CDH4: variants seen among roughly 807,000 people sequenced by gnomAD.
CDH4 encodes the protein cadherin 4.
A neutral mutation model predicts 86.0 loss-of-function variants in CDH4; 33 were observed. The observed-to-expected ratio is 0.38, with a 90% CI of 0.29 to 0.51. The LOEUF is 0.51. Among genes scored for constraint, CDH4 ranks in the 20% least tolerant of loss-of-function variants. The pLI is 0.86. For synonymous variants in CDH4, 555 were observed against 549.4 expected, an observed-to-expected ratio of 1.01 and a Z score of -0.14; for missense variants, 1,114 against 1,307.4, an observed-to-expected ratio of 0.85 and a Z score of 2.28.
intron 4 of CDH4, among the ~76,000 whole-genome samples, chr20:61,777,863 C>G (rs1978333416): frequency 6.6e-6 from 1 of 152,068 alleles, no homozygotes; most frequent in Non-Finnish European, 1.5e-5. Flanking sequence ...TCCACATGCG[C>G]ACGCACGTGC....
At chr20:61,584,966 C>A (rs935856598) in intron 2 of CDH4, among the ~76,000 whole-genome samples, 1 of 152,184 alleles carries the variant, frequency 6.6e-6, no homozygotes, top group Non-Finnish European at 1.5e-5. Context: ...AAGCCATCGC[C>A]GATGTGAGGC....
At position 61,663,383 on chromosome 20, in the gene CDH4, T is replaced by C. The variant is rs569660504; in HGVS notation, c.170-80180T>C. Among the ~76,000 whole-genome samples, 13 of 152,322 alleles carry C rather than the reference T, an allele frequency of 8.5e-5. No homozygotes were observed. The South Asian group carries it at 2.7e-3, about 32-fold the overall frequency. ...CTGCGGACAAGCGTTGGGAGGCCTC[T>C]CTGAGGAGGCAGTGTTTGCGCTGAA... On this transcript the variant is annotated intron_variant, in intron 2 of 15. Transcript: ENST00000614565. The surrounding 1 kb of genome is among the most constrained non-coding windows in gnomAD (Gnocchi z 5.0).
chr20:61,862,355 C>T (rs1354817133), intron 6 of CDH4, among the ~76,000 whole-genome samples: 1 of 152,244 alleles, frequency 6.6e-6, no homozygotes, highest in Non-Finnish European at 1.5e-5. Context: ...ACACCTCAGA[C>T]GTGTCCCAGC....
intron 2 of CDH4, among the ~76,000 whole-genome samples, chr20:61,561,458 G>A (rs562517706): frequency 2.2e-4 from 33 of 152,382 alleles, no homozygotes; most frequent in African/African-American, 7.7e-4. Context: ...GCCCTGGGCC[G>A]TCCCTCTTCC....
intron 6 of CDH4, among the ~76,000 whole-genome samples, chr20:61,859,147 T>C (rs1983205408): frequency 6.6e-6 from 1 of 152,192 alleles, no homozygotes; most frequent in Admixed American, 6.5e-5. Flanking sequence ...GTGTTTTCCC[T>C]CTGGCAAATG....
At chr20:61,416,371 C>G (rs138118762) in intron 2 of CDH4, among the ~76,000 whole-genome samples, 1 of 152,184 alleles carries the variant, frequency 6.6e-6, no homozygotes, top group Non-Finnish European at 1.5e-5. Context: ...CCCTCATTCA[C>G]GAGTGAATGT....
At position 61,372,368 on chromosome 20, in the gene CDH4, G is replaced by A. The variant is rs185557607; in HGVS notation, c.169+117431G>A. On this transcript the variant is annotated intron_variant, in intron 2 of 15. Transcript: ENST00000614565. ...CATCAGAAGGAAACAGCGTGCTCAC[G>A]TGTCTACCCGCACACGCTTCGCCTC... Among the ~76,000 whole-genome samples the A allele has an allele frequency of 1.8e-3, 274 of 152,350 alleles. 1 individual carries two copies. Among genetic ancestry groups the A allele is most frequent in the Admixed American group, 3.9e-3 (59 of 15,310 alleles).
At chr20:61,572,982 A>G (rs1388387789) in intron 2 of CDH4, among the ~76,000 whole-genome samples, 1 of 151,290 alleles carries the variant, frequency 6.6e-6, no homozygotes, top group African/African-American at 2.4e-5. Context: ...GGATGGATGG[A>G]CGGATAGACG....
At chr20:61,744,478 G>A (rs112327941) in intron 3 of CDH4, among the ~76,000 whole-genome samples, 463 of 18,928 alleles carry the variant, frequency 0.024, 6 homozygotes, top group Non-Finnish European at 0.028. Flanking sequence ...GAGAGATGGA[G>A]AGAGGTGGAG....
chr20:61,772,624 A>G (rs916780525), intron 3 of CDH4, among the ~76,000 whole-genome samples: 1 of 152,200 alleles, frequency 6.6e-6, no homozygotes, highest in Admixed American at 6.5e-5. Context: ...TGTTTTCATA[A>G]ACAGGAGTTT....
chr20:61,593,965 G>A (rs879759964), intron 2 of CDH4, among the ~76,000 whole-genome samples: 7 of 147,126 alleles, frequency 4.8e-5, no homozygotes, highest in African/African-American at 1.5e-4. Flanking sequence ...CCTGGTGAAC[G>A]CATGGATGAA....
intron 2 of CDH4, among the ~76,000 whole-genome samples, chr20:61,659,210 G>T (rs2087225555): frequency 6.6e-6 from 1 of 152,304 alleles, no homozygotes; most frequent in Non-Finnish European, 1.5e-5. Flanking sequence ...CACTCGTGGG[G>T]GTTTGAAAGT....
rs892670252 is a variant in CDH4, at chr20:61,510,196, A to G, written c.170-233367A>G. On this transcript the variant is annotated intron_variant, in intron 2 of 15. Coordinates refer to ENST00000614565, the MANE Select transcript of CDH4 (RefSeq NM_001794.5). This position sits in a 1 kb window ranked among gnomAD's most constrained non-coding sequence, Gnocchi z 4.2. ...GAAATTTAGTGATTTGCAATATGCC[A>G]GCATCTATGCGCTCAGCACTCCCGC... 2.0e-5 allele frequency among the ~76,000 whole-genome samples: 3 copies of G among 152,232 alleles called. No homozygotes were observed. The highest frequency in any genetic ancestry group is 4.4e-5 in the Non-Finnish European group (3 of 68,038).
intron 2 of CDH4, among the ~76,000 whole-genome samples, chr20:61,256,316 G>A (rs1240043185): frequency 2.0e-5 from 3 of 152,158 alleles, no homozygotes; most frequent in Non-Finnish European, 4.4e-5. Context: ...TGATTATGTG[G>A]CCAAATATGA....
chr20:61,899,670 G>A (rs1267569745), intron 8 of CDH4, among the ~76,000 whole-genome samples: 2 of 152,192 alleles, frequency 1.3e-5, no homozygotes, highest in African/African-American at 2.4e-5. Context: ...CTCGTGATCC[G>A]CCCACCTCGG....
At chr20:61,839,743 A>C (rs62643399) in intron 4 of CDH4, among the ~76,000 whole-genome samples, 68,133 of 149,574 alleles carry the variant, frequency 0.46, 17,572 homozygotes, top group Non-Finnish European at 0.59. Flanking sequence ...TTGTGTGTAC[A>C]TGTATGTTTG....
chr20:61,899,553 G>T (rs6121835), intron 8 of CDH4, among the ~76,000 whole-genome samples: 2 of 151,766 alleles, frequency 1.3e-5, no homozygotes, highest in East Asian at 2.0e-4. Context: ...TCAGCCTCCC[G>T]AGTAGCTGGA....
chr20:61,313,134 G>T (rs568034123), intron 2 of CDH4, among the ~76,000 whole-genome samples: 4 of 152,346 alleles, frequency 2.6e-5, no homozygotes, highest in African/African-American at 9.6e-5. Context: ...TGCTATGCGG[G>T]CTCATCGAGG....
In CDH4 at chr20:61,807,168, G is replaced by A. The variant is rs540909124; in HGVS notation, c.576+33986G>A. ...GTGGGGCAGGTGCCGGGAGGGCCTC[G>A]GGAGGTGCCTGGTGGGTCCTGCCAG... On this transcript the variant is annotated intron_variant, in intron 4 of 15. Coordinates refer to ENST00000614565, the MANE Select transcript of CDH4 (RefSeq NM_001794.5). This position sits in a 1 kb window ranked among gnomAD's most constrained non-coding sequence, Gnocchi z 4.5. Among the ~76,000 whole-genome samples, 16 of 152,216 alleles carry A rather than the reference G, an allele frequency of 1.1e-4. No individual in the cohort carries two copies. Among genetic ancestry groups the A allele is most frequent in the Non-Finnish European group, 2.1e-4 (14 of 68,036 alleles).
Sources: gnomAD v4.1 joint callset for allele counts (sites outside exome capture counted in the v4.1 genomes callset) on GRCh38, gnomAD v4.1.1 for gene constraint, Gnocchi (gnomAD v3.1) non-coding constraint, MANE v1.5 for transcripts, NCBI Gene and HGNC (gene_info 2026-07-23, HGNC 2026-07-21) for gene names.